UMAD1: variants seen among roughly 807,000 people sequenced by gnomAD.
UMAD1 encodes the protein UBAP1-MVB12-associated (UMA)-domain containing protein 1.
In UMAD1, 8 loss-of-function variants were observed where a neutral mutation model predicts 6.1. The observed-to-expected ratio is 1.30, with a 90% CI of 0.76 to 2.35. UMAD1 has a LOEUF of 2.35. UMAD1 is among the 30% of genes most tolerant of loss of function. The pLI is 0.00. For missense variants in UMAD1, 130 were observed against 78.4 expected (o/e 1.66, Z -2.49); for synonymous variants, 56 against 31.4 (o/e 1.78, Z -2.61).
At chr7:7,732,229 A>T (rs576546873) in intron 2 of UMAD1, among the ~76,000 whole-genome samples, 1 of 152,026 alleles carries the variant, frequency 6.6e-6, no homozygotes, top group African/African-American at 2.4e-5. Flanking sequence ...AAAAGAGTAG[A>T]TCCTCCCATG....
chr7:7,802,104 G>A (rs915474658), intron 3 of UMAD1, among the ~76,000 whole-genome samples: 3 of 152,244 alleles, frequency 2.0e-5, no homozygotes, highest in South Asian at 2.1e-4. Flanking sequence ...ATTCAGCCGG[G>A]CACAGTGGCT....
intron 1 of UMAD1, among the ~76,000 whole-genome samples, chr7:7,642,836 G>A (rs1312637699): frequency 6.6e-6 from 1 of 152,102 alleles, no homozygotes; most frequent in Non-Finnish European, 1.5e-5. Flanking sequence ...CTTGAAATTT[G>A]TGTTAAGCTT....
At chr7:7,851,446 T>C (rs750662895) in intron 3 of UMAD1, among the ~76,000 whole-genome samples, 88 of 152,226 alleles carry the variant, frequency 5.8e-4, no homozygotes, top group Non-Finnish European at 1.1e-3. Flanking sequence ...CTGGGTCTTA[T>C]GTAACTCTGT....
chr7:7,662,156 C>T (rs903368787), intron 1 of UMAD1, among the ~76,000 whole-genome samples: 1 of 152,110 alleles, frequency 6.6e-6, no homozygotes. Flanking sequence ...AGATGCCCTT[C>T]CCCCCACCAA....
chr7:7,673,319 C>T lies in UMAD1; in HGVS notation c.-53C>T, dbSNP rs757765168. 3 of 444,318 alleles carry T rather than the reference C, an allele frequency of 6.8e-6. No individual in the cohort carries two copies. The highest frequency in any genetic ancestry group is 2.2e-4 in the East Asian group (1 of 4,470). The allele number at this position is 444,318 out of a possible 1,614,324, so 27.5% of individuals were successfully genotyped here. On this transcript the variant is annotated 5_prime_UTR_variant, in exon 2 of 4. Transcript: ENST00000682710. ...ATGTTTCTATTTCAGGTAGCAGCAG[C>T]AGCAGCAGCAGCAGCAGCAGCAGCA...
chr7:7,797,095 A>G (rs1782699780), intron 2 of UMAD1, among the ~76,000 whole-genome samples: 1 of 152,192 alleles, frequency 6.6e-6, no homozygotes, highest in South Asian at 2.1e-4. Context: ...GATGCTGGCA[A>G]CTGCTTCTGG....
intron 2 of UMAD1, among the ~76,000 whole-genome samples, chr7:7,795,257 T>A (rs548889326): frequency 6.6e-6 from 1 of 152,348 alleles, no homozygotes; most frequent in South Asian, 2.1e-4. Context: ...AATAAACCTC[T>A]CCAAATATTT....
intron 3 of UMAD1, among the ~76,000 whole-genome samples, chr7:7,866,134 G>C (rs1226520922): frequency 6.6e-6 from 1 of 152,206 alleles, no homozygotes; most frequent in African/African-American, 2.4e-5. Context: ...TGCAGGAATT[G>C]AGGGCCAACA....
At chr7:7,808,083 T>A (rs543417187) in intron 3 of UMAD1, among the ~76,000 whole-genome samples, 17 of 152,170 alleles carry the variant, frequency 1.1e-4, no homozygotes, top group African/African-American at 4.1e-4. Context: ...AGAGAGTGAA[T>A]GTGTATAAAT....
chr7:7,721,939 A>G (rs1781057961), intron 2 of UMAD1, among the ~76,000 whole-genome samples: 1 of 152,162 alleles, frequency 6.6e-6, no homozygotes, highest in Non-Finnish European at 1.5e-5. Context: ...TGGCTGGGAT[A>G]TAAAGCAGGC....
intron 2 of UMAD1, among the ~76,000 whole-genome samples, chr7:7,685,653 G>T (rs1563121318): frequency 6.6e-6 from 1 of 152,124 alleles, no homozygotes; most frequent in Middle Eastern, 3.4e-3. Flanking sequence ...TTAAGTGTTG[G>T]CCCACTTGGT....
intron 2 of UMAD1, among the ~76,000 whole-genome samples, chr7:7,725,053 C>G (rs1583777145): frequency 6.6e-6 from 1 of 152,178 alleles, no homozygotes; most frequent in East Asian, 1.9e-4. Context: ...GGAAAAAAAT[C>G]TGACTAAAAT....
intron 2 of UMAD1, among the ~76,000 whole-genome samples, chr7:7,717,173 C>T (rs1226958392): frequency 1.3e-5 from 2 of 151,642 alleles, no homozygotes; most frequent in Non-Finnish European, 2.9e-5. Flanking sequence ...TCTCTCACCT[C>T]TGCCTCCCGC....
chr7:7,877,495 G>C lies in UMAD1; in HGVS notation c.371G>C (p.Trp124Ser), dbSNP rs755027292. Residue 124 changes from tryptophan to serine, a missense_variant, in exon 4 of 4, where the codon TGG (tryptophan) becomes TCG (serine). Coordinates refer to ENST00000682710, the MANE Select transcript of UMAD1 (RefSeq NM_001302348.2). ...YDGSENLSRFWYDFTLENSVL... is the reference protein window; with the variant it reads ...YDGSENLSRFSYDFTLENSVL... ...GGCAGCGAAAACTTATCACGGTTTT[G>C]GTATGATTTCACTCTTGAAAATTCA... The C allele has an allele frequency of 4.2e-6, 3 of 717,438 alleles. No homozygotes were observed. In the South Asian group the frequency reaches 4.4e-5, roughly 11 times the overall value. The allele number at this position is 717,438 out of a possible 1,614,324, so 44.4% of individuals were successfully genotyped here.
chr7:7,717,089 G>T (rs1380303368), intron 2 of UMAD1, among the ~76,000 whole-genome samples: 1 of 146,460 alleles, frequency 6.8e-6, no homozygotes, highest in Non-Finnish European at 1.5e-5. Context: ...CGGAGTCTTG[G>T]TCTGTTGCCC....
intron 3 of UMAD1, among the ~76,000 whole-genome samples, chr7:7,840,952 G>A (rs924297922): frequency 2.0e-5 from 3 of 152,128 alleles, no homozygotes; most frequent in African/African-American, 7.2e-5. Flanking sequence ...TAGGAGTTGG[G>A]TACCTTCTTT....
intron 3 of UMAD1, among the ~76,000 whole-genome samples, chr7:7,839,506 CT>C (rs1347895803): frequency 6.6e-6 from 1 of 152,164 alleles, no homozygotes; most frequent in Admixed American, 6.5e-5. Flanking sequence ...TTTTTTGAGC[CT>C]TTTTACTCTT....
chr7:7,783,800 G>A (rs1413978955), intron 2 of UMAD1, among the ~76,000 whole-genome samples: 8 of 152,190 alleles, frequency 5.3e-5, no homozygotes, highest in East Asian at 3.9e-4. Flanking sequence ...TGTTATACGC[G>A]GTAATGCAGT....
At chr7:7,683,078 TGAAG>T (rs1779952586) in intron 2 of UMAD1, among the ~76,000 whole-genome samples, 2 of 152,150 alleles carry the variant, frequency 1.3e-5, no homozygotes, top group African/African-American at 4.8e-5. Context: ...GGCAATTGCA[TGAAG>T]GAAGAGGAGA....
Sources: allele counts gnomAD v4.1 joint callset (sites outside exome capture counted in the v4.1 genomes callset), GRCh38; gene constraint gnomAD v4.1.1; transcripts MANE v1.5; gene names NCBI Gene and HGNC (gene_info 2026-07-23, HGNC 2026-07-21).